Variants in ZFHX3 observed in about 807,000 individuals in gnomAD.
The protein encoded by ZFHX3 is zinc finger homeobox protein 3.
In ZFHX3, 42 loss-of-function variants were observed where a neutral mutation model predicts 279.1. The observed-to-expected ratio is 0.15, with a 90% CI of 0.12 to 0.19. ZFHX3 has a LOEUF of 0.19. ZFHX3 is among the 10% of genes least tolerant of loss of function. The probability of loss-of-function intolerance (pLI) is 1.00; values close to 1 mark genes in which losing one functional copy is unlikely to be tolerated. For missense variants in ZFHX3, 4,981 were observed against 4,754.0 expected, an observed-to-expected ratio of 1.05 and a Z score of -1.40; for synonymous variants, 2,293 against 1,957.8, an observed-to-expected ratio of 1.17 and a Z score of -4.52.
At chr16:73,821,999 GC>G (rs1960757156) in intron 1 of ZFHX3, among the ~76,000 whole-genome samples, 1 of 152,086 alleles carries the variant, frequency 6.6e-6, no homozygotes, top group African/African-American at 2.4e-5. Context: ...CTCTACATTT[GC>G]CTTTGAGCAC....
At chr16:73,607,220 G>A (rs534046825) in intron 2 of ZFHX3, among the ~76,000 whole-genome samples, 1 of 152,028 alleles carries the variant, frequency 6.6e-6, no homozygotes, top group Admixed American at 6.6e-5. Flanking sequence ...GTAGAGATGG[G>A]GTTTCACCAT....
At chr16:73,585,147 G>T (rs1364879740) in intron 2 of ZFHX3, among the ~76,000 whole-genome samples, 29 of 152,224 alleles carry the variant, frequency 1.9e-4, no homozygotes, top group Admixed American at 1.9e-3. Context: ...GTCAGGTGCG[G>T]TGGCTCACAC....
intron 4 of ZFHX3, among the ~76,000 whole-genome samples, chr16:73,284,206 A>G (rs1254255079): frequency 4.0e-5 from 6 of 150,748 alleles, no homozygotes; most frequent in Non-Finnish European, 7.4e-5. Flanking sequence ...GATCCCAGCT[A>G]CACAGGAGGC....
At chr16:73,204,541 G>T (rs1010421839) in intron 5 of ZFHX3, among the ~76,000 whole-genome samples, 1 of 152,142 alleles carries the variant, frequency 6.6e-6, no homozygotes, top group Non-Finnish European at 1.5e-5. Context: ...GTGGTAATGC[G>T]AGTGACGGGG....
chr16:73,730,899 G>A (rs1279477545), intron 1 of ZFHX3, among the ~76,000 whole-genome samples: 1 of 152,198 alleles, frequency 6.6e-6, no homozygotes, highest in East Asian at 1.9e-4. Context: ...CTCCGTAGGT[G>A]TCGCTGTGGT....
In ZFHX3 at chr16:73,524,305, T is replaced by C. The variant is rs769373; in HGVS notation, c.-1546-68047A>G. Among the ~76,000 whole-genome samples the C allele has an allele frequency of 4.4e-3, 666 of 152,340 alleles. 26 individuals carry two copies. The highest frequency in any genetic ancestry group is 0.042 in the Admixed American group (643 of 15,304). On this transcript the variant is annotated intron_variant, in intron 2 of 17. Transcript: ENST00000641206. ...GTCCACTAGAATTACAGAAATGCCATGCTAGGAAGAACCATAGAGATTAGC... is the reference window on the plus strand; with the variant it reads ...GTCCACTAGAATTACAGAAATGCCACGCTAGGAAGAACCATAGAGATTAGC...
chr16:73,728,964 C>T (rs2053545588), intron 1 of ZFHX3, among the ~76,000 whole-genome samples: 1 of 152,140 alleles, frequency 6.6e-6, no homozygotes, highest in Non-Finnish European at 1.5e-5. Context: ...TTCCCATCCA[C>T]ACTGCCTTCC....
chr16:72,866,946 T>A (rs1025945340), intron 4 of ZFHX3, among the ~76,000 whole-genome samples: 2 of 152,230 alleles, frequency 1.3e-5, no homozygotes, highest in African/African-American at 4.8e-5. Flanking sequence ...CCCTAAATTA[T>A]CATCTCTCTG....
At chr16:73,425,446 A>C (rs1343117262) in intron 3 of ZFHX3, among the ~76,000 whole-genome samples, 3 of 152,216 alleles carry the variant, frequency 2.0e-5, no homozygotes, top group Admixed American at 2.0e-4. Context: ...CACAATTCTA[A>C]GGGCATGAAA....
chr16:72,931,425 AC>A (rs1959797529), intron 3 of ZFHX3, among the ~76,000 whole-genome samples: 1 of 142,516 alleles, frequency 7.0e-6, no homozygotes, highest in Non-Finnish European at 1.6e-5. Flanking sequence ...ACACACACAC[AC>A]ACACACACAC....
At chr16:73,070,543 C>T (rs1965809236) in intron 8 of ZFHX3, among the ~76,000 whole-genome samples, 1 of 152,120 alleles carries the variant, frequency 6.6e-6, no homozygotes, top group Non-Finnish European at 1.5e-5. Context: ...ACCACCTTGT[C>T]GCAGACGTGA....
chr16:73,028,722 C>T (rs1008581165), intron 1 of ZFHX3, among the ~76,000 whole-genome samples: 1 of 152,326 alleles, frequency 6.6e-6, no homozygotes, highest in Admixed American at 6.5e-5. Context: ...TCTCCGGGCC[C>T]ATCCCTGGGA....
intron 2 of ZFHX3, among the ~76,000 whole-genome samples, chr16:73,581,252 G>C (rs2051857836): frequency 1.3e-5 from 2 of 151,580 alleles, no homozygotes; most frequent in Non-Finnish European, 2.9e-5. Flanking sequence ...TAAACTAGTG[G>C]CATTAATGAA....
chr16:73,838,980 C>T (rs772256897), intron 1 of ZFHX3, among the ~76,000 whole-genome samples: 1 of 152,002 alleles, frequency 6.6e-6, no homozygotes, highest in African/African-American at 2.4e-5. Flanking sequence ...ACCAGGATGT[C>T]AGAGACAGCT....
chr16:73,465,318 C>T (rs779397930), intron 2 of ZFHX3, among the ~76,000 whole-genome samples: 4 of 152,212 alleles, frequency 2.6e-5, no homozygotes, highest in Non-Finnish European at 4.4e-5. Flanking sequence ...TAAGCCAAGT[C>T]TTCAGGGCGT....
At chr16:73,447,961 A>G (rs887966888) in intron 3 of ZFHX3, among the ~76,000 whole-genome samples, 1 of 152,224 alleles carries the variant, frequency 6.6e-6, no homozygotes, top group Non-Finnish European at 1.5e-5. Flanking sequence ...GAGTTGGTCA[A>G]ACTGAAGGGC....
chr16:72,933,813 C>CTTTTT lies in ZFHX3; in HGVS notation c.3216+16651_3216+16655dup, dbSNP rs71391468. On this transcript the variant is annotated intron_variant, in intron 3 of 9. Coordinates refer to ENST00000268489, the MANE Select transcript of ZFHX3 (RefSeq NM_006885.4). ...TATGAAATGTTTAGCTCACAACTTTCTTTTTTTTTTTTTTTTTTTTTTTGA... is the reference window on the plus strand; with the variant it reads ...TATGAAATGTTTAGCTCACAACTTTCTTTTTTTTTTTTTTTTTTTTTTTTTTTTGA... Among the ~76,000 whole-genome samples the CTTTTT allele has an allele frequency of 6.3e-3, 702 of 112,278 alleles. 10 individuals carry two copies. The highest frequency in any genetic ancestry group is 0.011 in the Non-Finnish European group (554 of 50,588). The allele number at this position is 112,278 out of a possible 152,430, so 73.7% of individuals were successfully genotyped here. A position where few individuals can be genotyped will look rare whatever the true frequency, so the allele number is the denominator to read the frequency against.
chr16:73,514,818 G>A (rs1311555500), intron 2 of ZFHX3, among the ~76,000 whole-genome samples: 1 of 152,126 alleles, frequency 6.6e-6, no homozygotes, highest in Non-Finnish European at 1.5e-5. Context: ...GCTTGGTAAG[G>A]TTGTTACGAG....
At chr16:72,933,397 G>C (rs1409474319) in intron 3 of ZFHX3, among the ~76,000 whole-genome samples, 1 of 152,170 alleles carries the variant, frequency 6.6e-6, no homozygotes, top group Non-Finnish European at 1.5e-5. Flanking sequence ...GGAGCCGAGA[G>C]AGGAGAGAAC....
Sources: gnomAD v4.1 joint callset for allele counts (sites outside exome capture counted in the v4.1 genomes callset) on GRCh38, gnomAD v4.1.1 for gene constraint, MANE v1.5 for transcripts, NCBI Gene and HGNC (gene_info 2026-07-23, HGNC 2026-07-21) for gene names.